The following NSD1 variants were observed in gnomAD, a reference collection of about 807,000 sequenced individuals.
The protein encoded by NSD1 is nuclear receptor binding SET domain protein 1.
Under a neutral mutation model 242.7 loss-of-function variants are expected in NSD1, and 26 were observed. The ratio of observed to expected loss-of-function variants is 0.11; its 90% CI spans 0.08 to 0.15. NSD1 has a LOEUF of 0.15. Ranked by LOEUF, NSD1 falls within the 10% of genes least tolerant of loss-of-function variation. The pLI is 1.00. For missense variants in NSD1, 2,495 were observed against 3,272.8 expected, an observed-to-expected ratio of 0.76 and a Z score of 5.80; for synonymous variants, 1,106 against 1,178.1, an observed-to-expected ratio of 0.94 and a Z score of 1.25.
At chr5:177,133,345 T>C (rs1755997406), upstream of NSD1, among the ~76,000 whole-genome samples, 1 of 152,072 alleles carries the variant, frequency 6.6e-6, no homozygotes, top group African/African-American at 2.4e-5. The surrounding 1 kb of genome is among the most constrained non-coding windows in gnomAD (Gnocchi z 6.2). Context: ...GGGTTGGGGT[T>C]CGAGACGCGT....
intron 13 of NSD1, among the ~76,000 whole-genome samples, chr5:177,258,908 C>T (rs992658470): frequency 1.3e-5 from 2 of 152,180 alleles, no homozygotes; most frequent in African/African-American, 4.8e-5. Context: ...GATCTCAACT[C>T]ACTGCAATGT....
At chr5:177,187,208 G>A (rs149405467) in intron 2 of NSD1, among the ~76,000 whole-genome samples, 49 of 148,542 alleles carry the variant, frequency 3.3e-4, no homozygotes, top group African/African-American at 1.2e-3. Flanking sequence ...AGGTTCAAGC[G>A]ATTCTTCTGC....
At chr5:177,155,070 A>G (rs1315185384) in intron 2 of NSD1, among the ~76,000 whole-genome samples, 2 of 150,754 alleles carry the variant, frequency 1.3e-5, no homozygotes, top group African/African-American at 4.9e-5. Context: ...GGCTCACTGC[A>G]ACCTGTACCT....
chr5:177,222,812 T>C (rs1371043078), intron 5 of NSD1, among the ~76,000 whole-genome samples: 1 of 152,188 alleles, frequency 6.6e-6, no homozygotes, highest in African/African-American at 2.4e-5. Flanking sequence ...ACATATTTTC[T>C]CCTCTTATTT....
rs1403651134 is a variant in NSD1 at position 177,201,165 on chromosome 5, G to A, written c.1064-2955G>A. Among the ~76,000 whole-genome samples the A allele has an allele frequency of 2.0e-5, 3 of 152,172 alleles. No individual in the cohort carries two copies. The South Asian group carries it at 6.2e-4, about 32-fold the overall frequency. On this transcript the variant is annotated intron_variant, in intron 3 of 22. Transcript: ENST00000439151. ...ACCTCCCAAAGTGCTGGGATTATAG[G>A]TGTGAGCCACTGTGTCCAACCTAAG...
At chr5:177,206,528 C>G (rs1762879645) in intron 4 of NSD1, among the ~76,000 whole-genome samples, 2 of 152,304 alleles carry the variant, frequency 1.3e-5, no homozygotes, top group South Asian at 4.1e-4. Context: ...TTCTCAAAGA[C>G]TTGGTGTCTT....
At chr5:177,184,616 C>A (rs1482012472) in intron 2 of NSD1, among the ~76,000 whole-genome samples, 1 of 151,944 alleles carries the variant, frequency 6.6e-6, no homozygotes, top group East Asian at 1.9e-4. Context: ...GCAGCCTTGA[C>A]CTCCCAAGCT....
chr5:177,284,848 C>G (rs1255900590), intron 20 of NSD1, among the ~76,000 whole-genome samples: 44 of 152,170 alleles, frequency 2.9e-4, no homozygotes, highest in Non-Finnish European at 1.3e-4. Flanking sequence ...TGCCTGTAGT[C>G]TCGGTTATTC....
intron 10 of NSD1, among the ~76,000 whole-genome samples, chr5:177,247,256 C>T (rs936649703): frequency 6.6e-6 from 1 of 152,162 alleles, no homozygotes; most frequent in African/African-American, 2.4e-5. Flanking sequence ...ATGGTGAAAC[C>T]TCATCTCTAC....
At chr5:177,221,148 C>T in intron 5 of NSD1, 1 of 368,812 alleles carries the variant, frequency 2.7e-6, no homozygotes, top group South Asian at 2.0e-5. Context: ...GCAGGGATTA[C>T]AGGTGTGAGC....
At chr5:177,266,041 C>G in intron 14 of NSD1, 2 of 1,064,386 alleles carry the variant, frequency 1.9e-6, no homozygotes, top group Non-Finnish European at 2.9e-6. Flanking sequence ...CATAAACGTT[C>G]TCCCACCAGT....
At chr5:177,190,975 T>TTC (rs1452175633) in intron 2 of NSD1, among the ~76,000 whole-genome samples, 1 of 139,764 alleles carries the variant, frequency 7.2e-6, no homozygotes, top group African/African-American at 3.1e-5. Flanking sequence ...CCTTTTTTTT[T>TTC]TTTTTCTTTT....
intron 3 of NSD1, among the ~76,000 whole-genome samples, chr5:177,199,609 C>CTTTTCT (rs1406721093): frequency 2.0e-5 from 3 of 148,256 alleles, no homozygotes; most frequent in African/African-American, 7.5e-5. Context: ...CTTTTCTTTT[C>CTTTTCT]TTTTTTTTTG....
rs1434379882 is a variant in NSD1, at chr5:177,286,306, G to C, written c.6151+2378G>C. The stretch of plus-strand genomic sequence containing the variant: ...AAATTTGAGCCACTAGTTACTTTCG[G>C]GTTTTGCGTTTGTTTCTCATAATGT... On this transcript the variant is annotated intron_variant, in intron 20 of 22. Coordinates refer to ENST00000439151, the MANE Select transcript of NSD1 (RefSeq NM_022455.5). 3.9e-5 allele frequency among the ~76,000 whole-genome samples: 6 copies of C among 152,120 alleles called. No individual in the cohort carries two copies. The East Asian group carries it at 1.2e-3, about 29-fold the overall frequency.
At position 177,265,915 on chromosome 5, in the gene NSD1, G is replaced by C. The variant is rs780574437; in HGVS notation, c.5147-1647G>C. On this transcript the variant is annotated intron_variant, in intron 14 of 22. Coordinates refer to ENST00000439151, the MANE Select transcript of NSD1 (RefSeq NM_022455.5). The stretch of plus-strand genomic sequence containing the variant: ...TGAAGGTCAGGTCTTCCACCTTGAC[G>C]GTGTAGATGTCTACCTCCTTTATGA... 3.4e-6 allele frequency: 5 copies of C among 1,449,452 alleles called. No individual in the cohort carries two copies. The African/African-American group carries it at 7.0e-5, about 20-fold the overall frequency. The allele number at this position is 1,449,452 out of a possible 1,614,324, so 89.8% of individuals were successfully genotyped here. A position where few individuals can be genotyped will look rare whatever the true frequency, so the allele number is the denominator to read the frequency against.
At chr5:177,243,265 A>G (rs1337399323) in intron 8 of NSD1, among the ~76,000 whole-genome samples, 4 of 151,938 alleles carry the variant, frequency 2.6e-5, no homozygotes, top group East Asian at 1.9e-4. Context: ...GCTCAGTGCA[A>G]CCTCCGCCTC....
intron 5 of NSD1, among the ~76,000 whole-genome samples, chr5:177,222,032 A>G (rs1269561554): frequency 6.6e-6 from 1 of 152,084 alleles, no homozygotes; most frequent in Non-Finnish European, 1.5e-5. Flanking sequence ...GCTAGTCTCG[A>G]ACTCCTGATC....
chr5:177,203,817 A>G (rs1217165203), intron 3 of NSD1, among the ~76,000 whole-genome samples: 2 of 152,098 alleles, frequency 1.3e-5, no homozygotes, highest in Non-Finnish European at 2.9e-5. Flanking sequence ...AGTGAAGGAA[A>G]CTTACCTGTC....
chr5:177,132,207 G>A (rs1388062498), upstream of NSD1, among the ~76,000 whole-genome samples: 1 of 152,010 alleles, frequency 6.6e-6, no homozygotes, highest in Non-Finnish European at 1.5e-5. This position sits in a 1 kb window ranked among gnomAD's most constrained non-coding sequence, Gnocchi z 7.5. Context: ...GCTCCGCTGG[G>A]GTCCAGATGC....
Sources: allele counts gnomAD v4.1 joint callset (sites outside exome capture counted in the v4.1 genomes callset), GRCh38; gene constraint gnomAD v4.1.1; non-coding constraint Gnocchi (gnomAD v3.1); transcripts MANE v1.5; gene names NCBI Gene and HGNC (gene_info 2026-07-23, HGNC 2026-07-21).